PTK2B: variants seen among roughly 807,000 people sequenced by gnomAD.
PTK2B encodes the protein protein tyrosine kinase 2 beta.
A neutral mutation model predicts 142.9 loss-of-function variants in PTK2B; 71 were observed. The ratio of observed to expected loss-of-function variants is 0.50; its 90% confidence interval spans 0.41 to 0.61. PTK2B has a LOEUF of 0.61. Among genes scored for constraint, PTK2B ranks in the 20% least tolerant of loss-of-function variants. The pLI, the probability that PTK2B is intolerant of heterozygous loss-of-function variation, is 0.00. For synonymous variants in PTK2B, 519 were observed against 503.4 expected (o/e 1.03, Z -0.42); for missense variants, 1,105 against 1,320.4 (o/e 0.84, Z 2.53).
At chr8:27,334,603 T>A (rs996125788) in intron 1 of PTK2B, among the ~76,000 whole-genome samples, 2 of 152,222 alleles carry the variant, frequency 1.3e-5, no homozygotes, top group Non-Finnish European at 2.9e-5. Context: ...ATGCCTTTTA[T>A]TTTGTTCTTC....
intron 1 of PTK2B, among the ~76,000 whole-genome samples, chr8:27,356,112 A>G (rs988715549): frequency 3.3e-5 from 5 of 152,052 alleles, no homozygotes; most frequent in South Asian, 2.1e-4. Context: ...CTCTATCTCT[A>G]TTATAATTAC....
At chr8:27,439,153 T>C (rs749094043) in intron 19 of PTK2B, 22 bp downstream of exon 19, 5 of 1,606,730 alleles carry the variant, frequency 3.1e-6, no homozygotes, top group Admixed American at 3.3e-5. Context: ...TCCCAGCCTC[T>C]GCATTGGCCT....
intron 2 of PTK2B, among the ~76,000 whole-genome samples, chr8:27,410,475 G>A (rs144037068): frequency 6.6e-6 from 1 of 152,364 alleles, no homozygotes; most frequent in Non-Finnish European, 1.5e-5. Flanking sequence ...GCCACTCTTT[G>A]AGTGAGAGCA....
intron 13 of PTK2B, 113 bp from the exon 14 acceptor site, chr8:27,435,630 C>T: frequency 2.3e-6 from 3 of 1,314,960 alleles, no homozygotes; most frequent in Non-Finnish European, 3.3e-6. Flanking sequence ...CCTGGCTTCT[C>T]CTCCTACCCC....
intron 1 of PTK2B, among the ~76,000 whole-genome samples, chr8:27,384,288 G>T (rs1807211105): frequency 6.6e-6 from 1 of 152,220 alleles, no homozygotes; most frequent in South Asian, 2.1e-4. Context: ...GAGCCACTGT[G>T]CCCAGCCAAG....
At chr8:27,369,712 T>A (rs1319876838) in intron 1 of PTK2B, among the ~76,000 whole-genome samples, 1 of 140,894 alleles carries the variant, frequency 7.1e-6, no homozygotes, top group Non-Finnish European at 1.5e-5. Flanking sequence ...TGGTAGCTCA[T>A]GCCCGTAATC....
intron 29 of PTK2B, 84 bp from the exon 30 acceptor site, chr8:27,454,447 A>C (rs1812019902): frequency 6.4e-7 from 1 of 1,555,350 alleles, no homozygotes; most frequent in African/African-American, 1.4e-5. Flanking sequence ...GACAAGCACC[A>C]CCCCAGGAGA....
chr8:27,441,026 C>T (rs1307105624), intron 21 of PTK2B, among the ~76,000 whole-genome samples: 1 of 152,108 alleles, frequency 6.6e-6, no homozygotes, highest in South Asian at 2.1e-4. Flanking sequence ...CTGCCATTAG[C>T]CCTCCTGTGG....
At chr8:27,412,476 T>A (rs1434284114) in intron 2 of PTK2B, among the ~76,000 whole-genome samples, 1 of 152,068 alleles carries the variant, frequency 6.6e-6, no homozygotes, top group African/African-American at 2.4e-5. Context: ...CTCATCAAAT[T>A]CTTTATGATA....
intron 30 of PTK2B, among the ~76,000 whole-genome samples, chr8:27,455,039 C>A (rs1054366061): frequency 1.3e-5 from 2 of 152,118 alleles, no homozygotes; most frequent in African/African-American, 4.8e-5. Context: ...AAACAAGAGT[C>A]TTGGTGCTCC....
At chr8:27,413,620 C>T (rs1201781527) in intron 2 of PTK2B, among the ~76,000 whole-genome samples, 1 of 152,214 alleles carries the variant, frequency 6.6e-6, no homozygotes, top group Admixed American at 6.5e-5. Context: ...TGCATCGAGA[C>T]AGGAAGCCCG....
At chr8:27,392,890 G>A (rs972251412) in intron 1 of PTK2B, among the ~76,000 whole-genome samples, 4 of 152,172 alleles carry the variant, frequency 2.6e-5, no homozygotes, top group South Asian at 2.1e-4. Context: ...TGTTGAGTCC[G>A]TCTAGGACCT....
At chr8:27,311,320 C>T, upstream of PTK2B, 3 of 1,406,970 alleles carry the variant, frequency 2.1e-6, no homozygotes, top group Non-Finnish European at 2.8e-6. Flanking sequence ...GACCCGAGTG[C>T]TGGGAATCGC....
chr8:27,388,273 C>T (rs11783759), intron 1 of PTK2B, among the ~76,000 whole-genome samples: 54,344 of 152,024 alleles, frequency 0.36, 10,739 homozygotes, highest in Middle Eastern at 0.5. Context: ...ATGAGATTTG[C>T]AGGAGTTGGA....
intron 1 of PTK2B, among the ~76,000 whole-genome samples, chr8:27,371,731 A>C (rs951419542): frequency 6.6e-5 from 10 of 152,100 alleles, no homozygotes; most frequent in African/African-American, 2.4e-4. Flanking sequence ...TATTTTTAGT[A>C]GAGATAGGAT....
chr8:27,448,058 C>T (rs1811578772), intron 24 of PTK2B, among the ~76,000 whole-genome samples: 1 of 152,128 alleles, frequency 6.6e-6, no homozygotes, highest in South Asian at 2.1e-4. Context: ...AGTGGGAGTT[C>T]AGAGAGGAGG....
chr8:27,430,171 A>G lies in PTK2B; in HGVS notation c.614+16A>G, dbSNP rs764478676. ...AGCTCCTAGAGTAAGTTCTGGGATC[A>G]CCCATCTCCCCTCCCTTCCTGTCCT... On this transcript the variant is annotated intron_variant, in intron 6 of 30. Transcript: ENST00000346049. The G allele has an allele frequency of 6.2e-7, 1 of 1,607,706 alleles. No homozygotes were observed. The highest frequency in any genetic ancestry group is 1.1e-5 in the South Asian group (1 of 90,940).
chr8:27,316,641 CAG>C (rs1803101700), intron 3 of PTK2B, among the ~76,000 whole-genome samples: 1 of 152,232 alleles, frequency 6.6e-6, no homozygotes, highest in Non-Finnish European at 1.5e-5. Context: ...CCTTGTTCAT[CAG>C]AGTTACCAAG....
At chr8:27,323,429 A>G (rs2130687125), upstream of PTK2B, 1 of 152,490 alleles carries the variant, frequency 6.6e-6, no homozygotes, top group South Asian at 2.1e-4. Flanking sequence ...TGATCCAGGT[A>G]TGCATCCCCC....
Sources: gnomAD v4.1 joint callset for allele counts (sites outside exome capture counted in the v4.1 genomes callset) on GRCh38, gnomAD v4.1.1 for gene constraint, MANE v1.5 for transcripts, NCBI Gene and HGNC (gene_info 2026-07-23, HGNC 2026-07-21) for gene names.